Variants in NAA60 observed in about 807,000 individuals in gnomAD.
The protein encoded by NAA60 is N-alpha-acetyltransferase 60, NatF catalytic subunit, also known as N-alpha-acetyltransferase 60.
Under a neutral mutation model 26.1 loss-of-function variants are expected in NAA60, and 8 were observed. The ratio of observed to expected loss-of-function variants is 0.31; its 90% confidence interval spans 0.18 to 0.55. The LOEUF is 0.55. Ranked by LOEUF, NAA60 falls within the 20% of genes least tolerant of loss-of-function variation. NAA60 has a pLI of 0.93. For missense variants in NAA60, 290 were observed against 311.3 expected (o/e 0.93, Z 0.51); for synonymous variants, 131 against 122.5 (o/e 1.07, Z -0.46).
At chr16:3,483,951 C>T (rs190545619) in intron 6 of NAA60, among the ~76,000 whole-genome samples, 3 of 152,288 alleles carry the variant, frequency 2.0e-5, no homozygotes, top group Admixed American at 6.5e-5. Context: ...GACAGGATCC[C>T]CTGTCCTCCC....
Position 3,485,556 on chromosome 16 carries a change from C to G in NAA60, c.*296C>G, listed in dbSNP as rs1011059186. 4 of 454,566 alleles carry G rather than the reference C, an allele frequency of 8.8e-6. No homozygotes were observed. Among genetic ancestry groups the G allele is most frequent in the Non-Finnish European group, 1.8e-5 (4 of 225,728 alleles). 28.2% of individuals were successfully genotyped at this position (454,566 alleles called of 1,614,324 possible). A position where few individuals can be genotyped will look rare whatever the true frequency, so the allele number is the denominator to read the frequency against. On this transcript the variant is annotated 3_prime_UTR_variant, in exon 8 of 8. Transcript: ENST00000407558. ...GCATGCACCGTCCCCAGGGCTGACC[C>G]AGTGTGGCTGCATTCACTGGGAGGG...
chr16:3,471,065 A>G (rs2036108435), intron 2 of NAA60, among the ~76,000 whole-genome samples: 2 of 152,200 alleles, frequency 1.3e-5, no homozygotes, highest in Non-Finnish European at 2.9e-5. Context: ...CTCAGAGCCC[A>G]GTGTTTTTCT....
chr16:3,469,325 T>C (rs7197970), intron 2 of NAA60, among the ~76,000 whole-genome samples: 78,622 of 91,438 alleles, frequency 0.86, 33,586 homozygotes, highest in Non-Finnish European at 0.88. Flanking sequence ...TTGCTGCTCC[T>C]CCCAGCACTG....
chr16:3,457,872 A>C, intron 2 of NAA60: 1 of 690,990 alleles, frequency 1.4e-6, no homozygotes. Context: ...AGTGCCCCGC[A>C]TACGGGATCC....
At chr16:3,464,270 C>T (rs548359249) in intron 2 of NAA60, among the ~76,000 whole-genome samples, 60 of 152,316 alleles carry the variant, frequency 3.9e-4, no homozygotes, top group Middle Eastern at 3.4e-3. Context: ...GCCTCGGCCT[C>T]CCAAAGTGCT....
At chr16:3,458,320 C>A in intron 2 of NAA60, 1 of 435,632 alleles carries the variant, frequency 2.3e-6, no homozygotes, top group Non-Finnish European at 3.1e-6. Flanking sequence ...CAGGCCCGGC[C>A]GCGCCCGCGC....
chr16:3,464,913 T>G (rs1259220080), intron 2 of NAA60, among the ~76,000 whole-genome samples: 2 of 152,196 alleles, frequency 1.3e-5, no homozygotes, highest in African/African-American at 4.8e-5. Context: ...TGTCTCAAGC[T>G]GCTCTTTCAG....
rs755640471 is a variant in NAA60, at chr16:3,483,360, A to G, written c.338-3A>G. On this transcript the variant is annotated splice_region_variant and splice_polypyrimidine_tract_variant and intron_variant, in intron 5 of 7. Transcript: ENST00000407558. ...TGCATTACCTTTACCTCTTCTCCCCAAGGTTCCCTCTTACTTGAAAGTTTA... is the reference window on the plus strand; with the variant it reads ...TGCATTACCTTTACCTCTTCTCCCCGAGGTTCCCTCTTACTTGAAAGTTTA... 6.2e-7 allele frequency: 1 copy of G among 1,601,738 alleles called. No homozygotes were observed. Among genetic ancestry groups the G allele is most frequent in the Non-Finnish European group, 8.5e-7 (1 of 1,173,560 alleles).
chr16:3,467,408 G>C (rs1054808243), intron 2 of NAA60, among the ~76,000 whole-genome samples: 51 of 152,226 alleles, frequency 3.4e-4, no homozygotes, highest in African/African-American at 1.2e-3. Context: ...GTCATGGATG[G>C]AGGCCAGGAC....
At chr16:3,479,310 G>C (rs888006458) in intron 3 of NAA60, among the ~76,000 whole-genome samples, 161 bp from the exon 4 acceptor site, 2 of 152,216 alleles carry the variant, frequency 1.3e-5, no homozygotes, top group African/African-American at 2.4e-5. Flanking sequence ...GAAGGTGGCT[G>C]TGACAGTTAG....
At chr16:3,452,282 G>A (rs1301393635) in intron 2 of NAA60, among the ~76,000 whole-genome samples, 2 of 152,326 alleles carry the variant, frequency 1.3e-5, no homozygotes, top group African/African-American at 2.4e-5. Context: ...TGTAGTGGGT[G>A]TAGAGTCTTC....
At chr16:3,445,254 C>T (rs958836919) in intron 1 of NAA60, among the ~76,000 whole-genome samples, 1 of 151,608 alleles carries the variant, frequency 6.6e-6, no homozygotes, top group Non-Finnish European at 1.5e-5. Flanking sequence ...GTCATCTTTC[C>T]CTTCTTGGTT....
chr16:3,459,306 T>G (rs1238873567), intron 2 of NAA60, among the ~76,000 whole-genome samples: 1 of 152,216 alleles, frequency 6.6e-6, no homozygotes, highest in African/African-American at 2.4e-5. Flanking sequence ...AGCACTGTGA[T>G]GTAGAAATTC....
In NAA60 at chr16:3,475,252, G is replaced by C. The variant is rs146268670; in HGVS notation, c.-6-970G>C. Among the ~76,000 whole-genome samples the C allele has an allele frequency of 6.6e-5, 10 of 151,964 alleles. No homozygotes were observed. In the East Asian group the frequency reaches 1.7e-3, roughly 27 times the overall value. On this transcript the variant is annotated intron_variant, in intron 2 of 7. Transcript: ENST00000407558. Reference sequence around the variant, plus strand: ...TTACAGTTGCCCGCCACCAAGCCTGGTTAATTTTTGTATTTTTTGTAGAGA... The same window carrying C: ...TTACAGTTGCCCGCCACCAAGCCTGCTTAATTTTTGTATTTTTTGTAGAGA...
intron 2 of NAA60, among the ~76,000 whole-genome samples, chr16:3,463,275 C>T (rs989687919): frequency 7.9e-5 from 12 of 151,888 alleles, no homozygotes; most frequent in South Asian, 2.1e-4. Flanking sequence ...AGGCCGGGCC[C>T]GGTGGCTCAT....
At chr16:3,449,029 A>G (rs1484175438) in intron 2 of NAA60, 1 of 152,434 alleles carries the variant, frequency 6.6e-6, no homozygotes, top group African/African-American at 2.4e-5. Flanking sequence ...TTTTATACCA[A>G]AGGAGAATTT....
chr16:3,447,420 G>C, intron 1 of NAA60: 5 of 973,024 alleles, frequency 5.1e-6, no homozygotes, highest in Non-Finnish European at 6.1e-6. Flanking sequence ...CTTCCCTGGC[G>C]ATGTTTAACA....
rs79867879 is a variant in NAA60 at position 3,468,875 on chromosome 16, C to T, written c.-6-7347C>T. On this transcript the variant is annotated intron_variant, in intron 2 of 7. Coordinates refer to ENST00000407558, the MANE Select transcript of NAA60 (RefSeq NM_001083601.3). ...TGGATCACGAGGTTAGGGATCGAGA[C>T]CATCCTGGCCAACATTGGCCTGACA... Among the ~76,000 whole-genome samples the T allele has an allele frequency of 8.3e-3, 1,267 of 152,274 alleles. 78 individuals carry two copies. The East Asian group carries it at 0.12, about 14-fold the overall frequency.
rs1398217845 is a variant in NAA60 at position 3,484,798 on chromosome 16, C to T, written c.672C>T (p.Phe224=). 1 of 1,581,568 alleles carries T rather than the reference C, an allele frequency of 6.3e-7. No individual in the cohort carries two copies. Among genetic ancestry groups the T allele is most frequent in the Non-Finnish European group, 8.6e-7 (1 of 1,164,790 alleles). ...AGGCCCACAGCCTGCTCTGCAGCTT[C>T]CTGCCATGGTCGGGCATCTCTTCCA... ...YRQAHSLLCS[F]LPWSGISSKS... The change falls in exon 7 of 8, where the codon TTC becomes TTT. Residue 224 remains phenylalanine (F), a synonymous_variant. Transcript: ENST00000407558.
Sources: allele counts gnomAD v4.1 joint callset (sites outside exome capture counted in the v4.1 genomes callset), GRCh38; gene constraint gnomAD v4.1.1; transcripts MANE v1.5; gene names NCBI Gene and HGNC (gene_info 2026-07-23, HGNC 2026-07-21).